The following HECTD4 variants were observed in gnomAD, a reference collection of about 807,000 sequenced individuals.
HECTD4 encodes the protein probable E3 ubiquitin-protein ligase HECTD4.
A neutral mutation model predicts 471.5 loss-of-function variants in HECTD4; 114 were observed. The observed-to-expected ratio is 0.24, with a 90% CI of 0.21 to 0.28. The LOEUF (loss-of-function observed/expected upper bound fraction) is 0.28. HECTD4 is among the 10% of genes least tolerant of loss of function. The pLI is 1.00. For synonymous variants in HECTD4, 2,012 were observed against 2,256.0 expected, an observed-to-expected ratio of 0.89 and a Z score of 3.07; for missense variants, 3,866 against 5,651.5, an observed-to-expected ratio of 0.68 and a Z score of 10.13.
At chr12:112,351,534 T>A (rs2036248365) in intron 1 of HECTD4, among the ~76,000 whole-genome samples, 1 of 152,236 alleles carries the variant, frequency 6.6e-6, no homozygotes, top group Admixed American at 6.5e-5. Context: ...AAGCAAGTAT[T>A]CCAACAAAGA....
intron 34 of HECTD4, among the ~76,000 whole-genome samples, chr12:112,237,637 G>A (rs969002214): frequency 1.1e-4 from 16 of 152,118 alleles, no homozygotes; most frequent in African/African-American, 3.1e-4. Context: ...AAGCTTTGCT[G>A]GATCCCTAGC....
chr12:112,189,550 CAAA>C (rs57209316), intron 60 of HECTD4, among the ~76,000 whole-genome samples: 12 of 30,454 alleles, frequency 3.9e-4, no homozygotes, highest in Non-Finnish European at 6.7e-4. Flanking sequence ...GACTCCGTCT[CAAA>C]AAAAAAAAAA....
At chr12:112,298,564 G>A (rs2035094367) in intron 7 of HECTD4, among the ~76,000 whole-genome samples, 1 of 147,328 alleles carries the variant, frequency 6.8e-6, no homozygotes, top group South Asian at 2.1e-4. Context: ...AGACTCAAGC[G>A]AACCTCCTGC....
At chr12:112,369,427 C>T (rs1056970280) in intron 1 of HECTD4, among the ~76,000 whole-genome samples, 18 of 151,448 alleles carry the variant, frequency 1.2e-4, no homozygotes, top group Non-Finnish European at 2.2e-4. Flanking sequence ...CTACAACCTC[C>T]GCCTCTGAGG....
At chr12:112,185,981 T>C (rs1236143774) in intron 60 of HECTD4, among the ~76,000 whole-genome samples, 1 of 152,176 alleles carries the variant, frequency 6.6e-6, no homozygotes, top group African/African-American at 2.4e-5. Flanking sequence ...AGGGTGGCAT[T>C]ATTTATTTTA....
At chr12:112,218,811 T>C (rs2033005041) in intron 45 of HECTD4, among the ~76,000 whole-genome samples, 1 of 152,116 alleles carries the variant, frequency 6.6e-6, no homozygotes, top group African/African-American at 2.4e-5. Context: ...CTCAGCTTAC[T>C]GCAACCTCTA....
intron 1 of HECTD4, among the ~76,000 whole-genome samples, chr12:112,323,948 T>C (rs530685632): frequency 2.4e-4 from 10 of 42,532 alleles, no homozygotes; most frequent in South Asian, 1.6e-3. Context: ...ACTGAGGTGC[T>C]TCTTTCTTTC....
In HECTD4 at chr12:112,235,321, T is replaced by C. The variant is rs2033475633; in HGVS notation, c.5726-55A>G. 3.2e-6 allele frequency: 5 copies of C among 1,551,510 alleles called. No homozygotes were observed. In the African/African-American group the frequency reaches 6.9e-5, roughly 21 times the overall value. On this transcript the variant is annotated intron_variant, in intron 36 of 75. Coordinates refer to ENST00000682272, the MANE Select transcript of HECTD4 (RefSeq NM_001388303.1). This position sits in a 1 kb window ranked among gnomAD's most constrained non-coding sequence, Gnocchi z 5.0. ...AAAACTGCAGTGTTGTTTTGGCGGC[T>C]CTGCTAAAATGAAAAATAATGGTTT...
chr12:112,269,309 C>T (rs1454421806), intron 13 of HECTD4, among the ~76,000 whole-genome samples: 1 of 152,134 alleles, frequency 6.6e-6, no homozygotes, highest in Non-Finnish European at 1.5e-5. Flanking sequence ...TAAGGAAATG[C>T]GAACCTTAAA....
chr12:112,228,027 A>G lies in HECTD4; in HGVS notation c.6854+62T>C. 6.8e-7 allele frequency: 1 copy of G among 1,460,432 alleles called. No homozygotes were observed. The highest frequency in any genetic ancestry group is 9.1e-7 in the Non-Finnish European group (1 of 1,094,926). The allele number at this position is 1,460,432 out of a possible 1,614,324, so 90.5% of individuals were successfully genotyped here. A position where few individuals can be genotyped will look rare whatever the true frequency, so the allele number is the denominator to read the frequency against. ...TTGGGAGTGGAGGGGCCCACCAAGG[A>G]TCCCTTCTTCTGTCAGCTTGCACCA... On this transcript the variant is annotated intron_variant, in intron 43 of 75. Transcript: ENST00000682272. This position sits in a 1 kb window ranked among gnomAD's most constrained non-coding sequence, Gnocchi z 4.9.
In HECTD4 at chr12:112,163,212, A is replaced by T; in HGVS notation, c.12950T>A (p.Phe4317Tyr). The change falls in exon 75 of 76, where the codon TTC (phenylalanine) becomes TAC (tyrosine). Residue 4317 changes from phenylalanine (F) to tyrosine (Y), a missense_variant. This residue lies in a region of HECTD4 where 715 missense variants were observed against 1,087.6 expected (regional missense o/e 0.66). Transcript: ENST00000682272. The surrounding 1 kb of genome is among the most constrained non-coding windows in gnomAD (Gnocchi z 8.2). ...GLMETDQHIE[F>Y]FWGALEMFTQ... is the part of the protein sequence containing the mutation. The stretch of plus-strand genomic sequence containing the variant: ...GAACATCTCCAGGGCCCCCCAGAAG[A>T]ACTCGATGTGCTGGTCCGTCTCCAT... The T allele has an allele frequency of 6.2e-7, 1 of 1,613,916 alleles. No individual in the cohort carries two copies. The highest frequency in any genetic ancestry group is 1.1e-5 in the South Asian group (1 of 91,082).
chr12:112,178,171 C>T (rs2031527210), intron 64 of HECTD4, among the ~76,000 whole-genome samples: 1 of 152,100 alleles, frequency 6.6e-6, no homozygotes, highest in African/African-American at 2.4e-5. Context: ...CTCAAGCCAT[C>T]CTCCTGCCTC....
At chr12:112,229,502 T>C (rs1476288415) in intron 41 of HECTD4, among the ~76,000 whole-genome samples, 196 bp downstream of exon 41, 1 of 152,226 alleles carries the variant, frequency 6.6e-6, no homozygotes, top group Non-Finnish European at 1.5e-5. Context: ...AAGACAGTAT[T>C]GCATTAATAT....
At chr12:112,299,239 C>A (rs2035113092) in intron 7 of HECTD4, among the ~76,000 whole-genome samples, 1 of 152,122 alleles carries the variant, frequency 6.6e-6, no homozygotes, top group Non-Finnish European at 1.5e-5. Context: ...TCACGCAATT[C>A]CATTTCTGAA....
intron 1 of HECTD4, among the ~76,000 whole-genome samples, chr12:112,361,240 C>T (rs768360238): frequency 3.9e-5 from 6 of 152,058 alleles, no homozygotes; most frequent in Non-Finnish European, 7.3e-5. Flanking sequence ...ATGTCAGTTG[C>T]TATTCTGGGT....
chr12:112,262,774 C>A (rs2034179315), intron 17 of HECTD4, among the ~76,000 whole-genome samples: 1 of 151,898 alleles, frequency 6.6e-6, no homozygotes, highest in Non-Finnish European at 1.5e-5. Context: ...TGCCATCACG[C>A]CCGGCTAATT....
At chr12:112,221,006 C>T (rs2033079496) in intron 44 of HECTD4, among the ~76,000 whole-genome samples, 1 of 151,898 alleles carries the variant, frequency 6.6e-6, no homozygotes, top group African/African-American at 2.4e-5. Context: ...GGCTGGAGTG[C>T]AATGGCGCAA....
rs201363187 is a variant in HECTD4 at position 112,178,966 on chromosome 12, C to T, written c.11328G>A (p.Pro3776=). ...VVSTKRPITK[P]PAKDKAVLNS... ...TGAGCACAGCCTTGTCCTTGGCGGG[C>T]GGCTTGGTGATAGGCCGCTTGGTGC... Residue 3776 remains proline, a synonymous_variant, in exon 64 of 76, where the codon CCG becomes CCA. Coordinates refer to ENST00000682272, the MANE Select transcript of HECTD4 (RefSeq NM_001388303.1). 4.4e-3 allele frequency: 7,020 copies of T among 1,612,730 alleles called. 32 individuals carry two copies. Among genetic ancestry groups the T allele is most frequent in the South Asian group, 0.012 (1,071 of 90,890 alleles).
In HECTD4 at chr12:112,256,496, G is replaced by T; in HGVS notation, c.3151C>A (p.Pro1051Thr). ...ATCTTTAAACCAGTGAGAAATCCTG[G>T]CTCTTCCTTCTCTTCTAACATTCTA... is the stretch of plus-strand genomic sequence containing the variant. ...DERMLEEKEE[P>T]GFLTGLKIPA... Residue 1051 changes from proline (P) to threonine (T), a missense_variant, in exon 21 of 76, where the codon CCA becomes ACA. Transcript: ENST00000682272. 6.3e-7 allele frequency: 1 copy of T among 1,593,186 alleles called. No homozygotes were observed. Among genetic ancestry groups the T allele is most frequent in the South Asian group, 1.2e-5 (1 of 86,192 alleles).
Sources: gnomAD v4.1 joint callset for allele counts (sites outside exome capture counted in the v4.1 genomes callset) on GRCh38, gnomAD v4.1.1 for gene constraint, gnomAD v4.1.1 regional missense constraint, Gnocchi (gnomAD v3.1) non-coding constraint, MANE v1.5 for transcripts, NCBI Gene and HGNC (gene_info 2026-07-23, HGNC 2026-07-21) for gene names.